The following TAL1 variants were observed in gnomAD, a reference collection of about 807,000 sequenced individuals.
TAL1 encodes TAL bHLH transcription factor 1, erythroid differentiation factor, also known as T-cell acute lymphocytic leukemia protein 1.
In TAL1, 8 loss-of-function variants were observed where a neutral mutation model predicts 17.9. The observed-to-expected ratio is 0.45, with a 90% confidence interval of 0.26 to 0.81. The LOEUF (loss-of-function observed/expected upper bound fraction) is 0.81. Among genes scored for constraint, TAL1 ranks in the 30% least tolerant of loss-of-function variants. The pLI, the probability that TAL1 is intolerant of heterozygous loss-of-function variation, is 0.17. For synonymous variants in TAL1, 223 were observed against 218.6 expected (o/e 1.02, Z -0.18); for missense variants, 466 against 486.9 (o/e 0.96, Z 0.40).
chr1:47,225,608 C>A, exon 2 of TAL1: 1 of 1,373,428 alleles, frequency 7.3e-7, no homozygotes, highest in Non-Finnish European at 9.3e-7. Flanking sequence ...GGGAGGTCTG[C>A]ACAGCTCGGT....
chr1:47,219,171 G>T (rs569380294), exon 4 of TAL1: 2 of 426,546 alleles, frequency 4.7e-6, no homozygotes, highest in Non-Finnish European at 8.9e-6. Context: ...CCTGAAGAAG[G>T]CACCTCGAGG....
At chr1:47,221,243 C>G (rs1052613271) in intron 3 of TAL1, among the ~76,000 whole-genome samples, 8 of 152,178 alleles carry the variant, frequency 5.3e-5, no homozygotes, top group Non-Finnish European at 1.0e-4. Context: ...TGCAGAAGGG[C>G]TCTCATACCC....
exon 2 of TAL1, chr1:47,225,745 C>T: frequency 6.5e-7 from 1 of 1,538,046 alleles, no homozygotes; most frequent in Admixed American, 1.9e-5. Context: ...TGACTGGGGG[C>T]TCCGCTGCGG....
chr1:47,224,536 C>A (rs1174643578), intron 2 of TAL1, among the ~76,000 whole-genome samples: 1 of 152,164 alleles, frequency 6.6e-6, no homozygotes, highest in African/African-American at 2.4e-5. Flanking sequence ...GTAACCTTCA[C>A]ACCTGATGGT....
intron 1 of TAL1, chr1:47,227,909 A>C (rs1052864735): frequency 6.6e-6 from 1 of 152,238 alleles, no homozygotes; most frequent in African/African-American, 2.4e-5. Context: ...CCGTCCTGAC[A>C]CACCGGTGTG....
intron 3 of TAL1, 90 bp downstream of exon 4, chr1:47,223,914 T>C (rs1284261084): frequency 7.9e-7 from 1 of 1,262,382 alleles, no homozygotes; most frequent in Non-Finnish European, 1.1e-6. Context: ...CTTTGTGAGA[T>C]ACCTACGGAG....
chr1:47,225,621 T>C, exon 2 of TAL1: 2 of 1,381,510 alleles, frequency 1.4e-6, no homozygotes, highest in Non-Finnish European at 1.9e-6. Context: ...AGCTCGGTGG[T>C]GGGCACCCGA....
exon 4 of TAL1, chr1:47,217,791 C>T (rs189411056): frequency 1.0e-5 from 4 of 398,566 alleles, no homozygotes; most frequent in East Asian, 3.6e-5. Context: ...AGCGAATCCA[C>T]GGTGAAGCAA....
chr1:47,230,884 C>G (rs1351834976), upstream of TAL1: 1 of 152,208 alleles, frequency 6.6e-6, no homozygotes, highest in Non-Finnish European at 1.5e-5. Flanking sequence ...CGACGGGTAT[C>G]AGACCCAAGC....
chr1:47,218,188 C>G (rs1327013133), exon 4 of TAL1: 3 of 236,320 alleles, frequency 1.3e-5, no homozygotes, highest in Non-Finnish European at 2.5e-5. Context: ...AAGGCAGAGC[C>G]TAGAGGGAGA....
chr1:47,226,796 C>T (rs908385270), intron 1 of TAL1, among the ~76,000 whole-genome samples: 4 of 152,198 alleles, frequency 2.6e-5, no homozygotes, highest in African/African-American at 9.7e-5. Context: ...GAAGGGTTCC[C>T]TGAGGCCAGT....
At chr1:47,223,927 G>T in intron 3 of TAL1, 77 bp downstream of exon 4, 1 of 1,390,124 alleles carries the variant, frequency 7.2e-7, no homozygotes, top group Non-Finnish European at 1.0e-6. Flanking sequence ...CTACGGAGTA[G>T]TCCCAGATGT....
intron 1 of TAL1, among the ~76,000 whole-genome samples, chr1:47,226,556 G>A (rs775394295): frequency 1.3e-5 from 2 of 152,158 alleles, no homozygotes; most frequent in Non-Finnish European, 2.9e-5. Flanking sequence ...ATTCGCCCCC[G>A]CTGGGGAGTG....
At chr1:47,219,768 G>A in exon 4 of TAL1, 2 of 1,611,272 alleles carry the variant, frequency 1.2e-6, no homozygotes, top group South Asian at 1.1e-5. Flanking sequence ...CAGGATGGAG[G>A]CTGCGGGCCG....
intron 1 of TAL1, chr1:47,226,258 T>G (rs1643908891): frequency 2.2e-5 from 5 of 225,266 alleles, no homozygotes; most frequent in East Asian, 9.9e-5. Context: ...AGAAAGAGAT[T>G]ACTCTGTCCC....
chr1:47,219,702 C>T, exon 4 of TAL1: 1 of 1,606,914 alleles, frequency 6.2e-7, no homozygotes, highest in Admixed American at 1.7e-5. Context: ...CCTGGCTGAT[C>T]CTGGTGGCCC....
At chr1:47,221,838 CTCTT>C (rs1241178631) in intron 3 of TAL1, among the ~76,000 whole-genome samples, 1 of 152,206 alleles carries the variant, frequency 6.6e-6, no homozygotes, top group African/African-American at 2.4e-5. Context: ...GCCTGATCAT[CTCTT>C]TCTCTCTCCT....
chr1:47,223,769 G>A (rs1643868951), intron 3 of TAL1: 4 of 498,856 alleles, frequency 8.0e-6, no homozygotes, highest in Non-Finnish European at 1.1e-5. Context: ...GCCATTATGT[G>A]TCTCTCTCCC....
chr1:47,226,745 CA>C (rs1643918640), intron 1 of TAL1, among the ~76,000 whole-genome samples: 1 of 152,182 alleles, frequency 6.6e-6, no homozygotes, highest in South Asian at 2.1e-4. Flanking sequence ...GGTCGAGTCT[CA>C]AAGAGAGGCC....
Sources: gnomAD v4.1 joint callset for allele counts (sites outside exome capture counted in the v4.1 genomes callset) on GRCh38, gnomAD v4.1.1 for gene constraint, MANE v1.5 for transcripts, NCBI Gene and HGNC (gene_info 2026-07-23, HGNC 2026-07-21) for gene names.